Variants in ZNF146 observed in about 807,000 individuals in gnomAD.
ZNF146 encodes the protein zinc finger protein OZF.
A neutral mutation model predicts 22.2 loss-of-function variants in ZNF146; 9 were observed. That is an observed-to-expected ratio of 0.41 (90% CI 0.24 to 0.71). The LOEUF (loss-of-function observed/expected upper bound fraction) is 0.71, where lower values mean the gene tolerates loss of function less well. Ranked by LOEUF, ZNF146 falls within the 30% of genes least tolerant of loss-of-function variation. ZNF146 has a pLI of 0.34. For synonymous variants in ZNF146, 108 were observed against 119.2 expected, an observed-to-expected ratio of 0.91 and a Z score of 0.61; for missense variants, 194 against 344.8, an observed-to-expected ratio of 0.56 and a Z score of 3.46.
intron 2 of ZNF146, among the ~76,000 whole-genome samples, chr19:36,227,498 C>T (rs1205169103): frequency 1.2e-4 from 18 of 151,562 alleles, no homozygotes; most frequent in Non-Finnish European, 1.2e-4. Context: ...ATCTTCCTGT[C>T]TCAGCCTCCT....
intron 2 of ZNF146, among the ~76,000 whole-genome samples, chr19:36,224,779 T>C (rs940042612): frequency 6.6e-6 from 1 of 152,238 alleles, no homozygotes; most frequent in African/African-American, 2.4e-5. Flanking sequence ...ACATTAAATA[T>C]TCCTCTTTAT....
intron 2 of ZNF146, among the ~76,000 whole-genome samples, chr19:36,228,042 C>G (rs1259505515): frequency 6.6e-6 from 1 of 151,798 alleles, no homozygotes; most frequent in Non-Finnish European, 1.5e-5. Flanking sequence ...CACCCATAAT[C>G]CCAGCTACTC....
At chr19:36,233,429 A>C (rs1043842229) in intron 3 of ZNF146, among the ~76,000 whole-genome samples, 1 of 152,066 alleles carries the variant, frequency 6.6e-6, no homozygotes, top group African/African-American at 2.4e-5. Context: ...AAAGAAAGAG[A>C]CACAGAAACA....
At chr19:36,232,074 A>G (rs1306324190) in intron 3 of ZNF146, among the ~76,000 whole-genome samples, 1 of 151,776 alleles carries the variant, frequency 6.6e-6, no homozygotes, top group Non-Finnish European at 1.5e-5. Flanking sequence ...GTGGTGATGC[A>G]CACCTATCGT....
intron 3 of ZNF146, among the ~76,000 whole-genome samples, chr19:36,232,470 A>G (rs747639853): frequency 2.0e-5 from 3 of 152,156 alleles, no homozygotes; most frequent in Non-Finnish European, 4.4e-5. Context: ...TTTGCCGTCT[A>G]TAGTCTGCAT....
In ZNF146 at chr19:36,238,445, T is replaced by TTTTTATATAAAA. The variant is rs1568439204; in HGVS notation, c.*1137_*1138insATTTTATATAAA. ...GGTATTGGTTAAAGGGGACTTCAGC[T>TTTTTATATAAAA]TTTTATATAAACATCCACTTCTCTT... is the stretch of plus-strand genomic sequence containing the variant. On this transcript the variant is annotated 3_prime_UTR_variant, in exon 4 of 4. Coordinates refer to ENST00000443387, the MANE Select transcript of ZNF146 (RefSeq NM_007145.3). 6.0e-6 allele frequency: 1 copy of TTTTTATATAAAA among 167,076 alleles called. No individual in the cohort carries two copies. The highest frequency in any genetic ancestry group is 1.5e-5 in the Non-Finnish European group (1 of 68,116). 10.3% of individuals were successfully genotyped at this position (167,076 alleles called of 1,614,324 possible). A position where few individuals can be genotyped will look rare whatever the true frequency, so the allele number is the denominator to read the frequency against.
intron 2 of ZNF146, among the ~76,000 whole-genome samples, chr19:36,223,868 A>C (rs1976966376): frequency 6.6e-6 from 1 of 151,856 alleles, no homozygotes; most frequent in Non-Finnish European, 1.5e-5. Context: ...AAAATTGTAG[A>C]GATAAGATCT....
In ZNF146 at chr19:36,237,962, G is replaced by A. The variant is rs1977706315; in HGVS notation, c.*643G>A. The A allele has an allele frequency of 6.0e-6, 1 of 167,020 alleles. No individual in the cohort carries two copies. The highest frequency in any genetic ancestry group is 6.5e-5 in the Admixed American group (1 of 15,272). 10.3% of individuals were successfully genotyped at this position (167,020 alleles called of 1,614,324 possible). Reference sequence around the variant, plus strand: ...TAAAATGCATATGACCTTGGGAATAGGGAAACATTCCTTGGAACAATTTGA... The same window carrying A: ...TAAAATGCATATGACCTTGGGAATAAGGAAACATTCCTTGGAACAATTTGA... On this transcript the variant is annotated 3_prime_UTR_variant, in exon 4 of 4. Coordinates refer to ENST00000443387, the MANE Select transcript of ZNF146 (RefSeq NM_007145.3).
intron 1 of ZNF146, 98 bp from the exon 2 acceptor site, chr19:36,218,024 C>G (rs976886028): frequency 6.6e-6 from 1 of 151,496 alleles, no homozygotes; most frequent in South Asian, 2.1e-4. Context: ...AGGCTGGTCT[C>G]GAACTCCTGA....
In ZNF146 at chr19:36,236,776, G is replaced by A. The variant is rs764443676; in HGVS notation, c.336G>A (p.Lys112=). ...ATTGCGGGAAAGCTTTCATTCAGAA[G>A]TCAAACCTCATCAGACACCAGAGAA... ...CKDCGKAFIQ[K]SNLIRHQRTH... Residue 112 remains lysine (K), a synonymous_variant, in exon 4 of 4, where the codon AAG becomes AAA. Coordinates refer to ENST00000443387, the MANE Select transcript of ZNF146 (RefSeq NM_007145.3). The A allele has an allele frequency of 9.9e-6, 16 of 1,614,126 alleles. No homozygotes were observed. The highest frequency in any genetic ancestry group is 3.3e-5 in the Admixed American group (2 of 60,026).
At chr19:36,222,150 C>T (rs1275059375) in intron 2 of ZNF146, among the ~76,000 whole-genome samples, 1 of 152,088 alleles carries the variant, frequency 6.6e-6, no homozygotes, top group Non-Finnish European at 1.5e-5. Flanking sequence ...TCTCGAACTC[C>T]TGAGCTCAAG....
rs868752424 is a variant in ZNF146 at position 36,236,112 on chromosome 19, C to T, written c.-329C>T. On this transcript the variant is annotated 5_prime_UTR_variant, in exon 4 of 4. Transcript: ENST00000443387. The stretch of plus-strand genomic sequence containing the variant: ...CGTGCAAGTCATGCTGAAGAGAAAC[C>T]CTGTGCTTCTAAGGAGTATTGACAA... 4 of 232,142 alleles carry T rather than the reference C, an allele frequency of 1.7e-5. No individual in the cohort carries two copies. The highest frequency in any genetic ancestry group is 1.1e-4 in the South Asian group (1 of 9,148). The allele number at this position is 232,142 out of a possible 1,614,324, so 14.4% of individuals were successfully genotyped here.
chr19:36,216,126 AAT>A (rs1224494357), intron 1 of ZNF146, among the ~76,000 whole-genome samples: 1 of 152,224 alleles, frequency 6.6e-6, no homozygotes, highest in East Asian at 1.9e-4. Flanking sequence ...TCTATAAATA[AAT>A]AGCCTTCTAA....
At position 36,236,611 on chromosome 19, in the gene ZNF146, G is replaced by C; in HGVS notation, c.171G>C (p.Gln57His). 1 of 1,614,152 alleles carries C rather than the reference G, an allele frequency of 6.2e-7. No homozygotes were observed. Among genetic ancestry groups the C allele is most frequent in the African/African-American group, 1.3e-5 (1 of 75,040 alleles). The change falls in exon 4 of 4, where the codon CAG becomes CAC. Residue 57 changes from glutamine to histidine, a missense_variant. Physicochemically the swap from Gln to His is conservative, Grantham distance 24. Transcript: ENST00000443387. ...GTGGAAAAGCCTTTAGCCAAAAGCA[G>C]TATGTCATTAAACATCAGAACACCC... is the stretch of plus-strand genomic sequence containing the variant. ...NECGKAFSQK[Q>H]YVIKHQNTHT...
At chr19:36,233,084 C>A (rs974862853) in intron 3 of ZNF146, among the ~76,000 whole-genome samples, 1 of 152,104 alleles carries the variant, frequency 6.6e-6, no homozygotes. Context: ...GTATTTTCTA[C>A]CAAGAAAAGC....
At chr19:36,219,095 A>G (rs1376065093) in intron 2 of ZNF146, among the ~76,000 whole-genome samples, 2 of 152,192 alleles carry the variant, frequency 1.3e-5, no homozygotes, top group Non-Finnish European at 2.9e-5. Context: ...GGCGTGAGCC[A>G]CTGCGCCTGG....
intron 1 of ZNF146, among the ~76,000 whole-genome samples, chr19:36,216,502 AC>A (rs1976610921): frequency 6.6e-6 from 1 of 151,910 alleles, no homozygotes; most frequent in African/African-American, 2.4e-5. Context: ...ATAAAAAAAT[AC>A]AAAAATTAGC....
At chr19:36,215,316 G>A (rs1343818621) in intron 1 of ZNF146, 120 bp downstream of exon 1, 1 of 152,332 alleles carries the variant, frequency 6.6e-6, no homozygotes, top group African/African-American at 2.4e-5. Context: ...CTACGTGCGG[G>A]GCGGAGATGG....
At chr19:36,231,495 C>T (rs2145444477) in intron 3 of ZNF146, among the ~76,000 whole-genome samples, 1 of 152,292 alleles carries the variant, frequency 6.6e-6, no homozygotes, top group East Asian at 1.9e-4. Context: ...AGGCGGGAGC[C>T]ACTACACCTG....
Sources: allele counts gnomAD v4.1 joint callset (sites outside exome capture counted in the v4.1 genomes callset), GRCh38; gene constraint gnomAD v4.1.1; transcripts MANE v1.5; gene names NCBI Gene and HGNC (gene_info 2026-07-23, HGNC 2026-07-21).